BEND7: variants seen among roughly 807,000 people sequenced by gnomAD.
BEND7 encodes the protein BEN domain containing 7.
A neutral mutation model predicts 50.9 loss-of-function variants in BEND7; 28 were observed. That is an observed-to-expected ratio of 0.55 (90% confidence interval 0.41 to 0.75). The LOEUF is 0.75. Ranked by LOEUF, BEND7 falls within the 30% of genes least tolerant of loss-of-function variation. The pLI is 0.00. For synonymous variants in BEND7, 170 were observed against 183.9 expected, an observed-to-expected ratio of 0.92 and a Z score of 0.61; for missense variants, 477 against 491.3, an observed-to-expected ratio of 0.97 and a Z score of 0.28.
At chr10:13,523,921 G>C (rs1376597298) in intron 2 of BEND7, among the ~76,000 whole-genome samples, 1 of 152,178 alleles carries the variant, frequency 6.6e-6, no homozygotes, top group East Asian at 1.9e-4. Flanking sequence ...ATAACCCACA[G>C]CACACTCCCA....
chr10:13,496,047 C>T (rs1309675874), intron 4 of BEND7, among the ~76,000 whole-genome samples: 1 of 152,196 alleles, frequency 6.6e-6, no homozygotes, highest in South Asian at 2.1e-4. Context: ...CTATAGAACG[C>T]TTCATGGACT....
chr10:13,441,023 G>T (rs559473362), downstream of BEND7: 99 of 832,668 alleles, frequency 1.2e-4, no homozygotes, highest in Middle Eastern at 6.1e-4. Flanking sequence ...TTTAATTAAT[G>T]AACAGCACTG....
intron 6 of BEND7, among the ~76,000 whole-genome samples, chr10:13,462,835 A>C (rs1239866555): frequency 1.3e-5 from 2 of 152,170 alleles, no homozygotes; most frequent in African/African-American, 2.4e-5. Flanking sequence ...AAGAAAAATA[A>C]ATACATAACT....
intron 4 of BEND7, among the ~76,000 whole-genome samples, chr10:13,495,446 G>A (rs957034158): frequency 6.6e-6 from 1 of 152,244 alleles, no homozygotes; most frequent in Non-Finnish European, 1.5e-5. Context: ...CAGATCACCT[G>A]AGGTCGGGAG....
chr10:13,464,522 A>G (rs2074033221), intron 6 of BEND7, among the ~76,000 whole-genome samples: 1 of 152,190 alleles, frequency 6.6e-6, no homozygotes, highest in Non-Finnish European at 1.5e-5. Flanking sequence ...GATACACACC[A>G]ACTCCATTAC....
rs148559193 is a variant in BEND7 at position 13,470,545 on chromosome 10, A to T, written c.1063+10354T>A. ...TGCCCATTATGTGACAGGCTGAAGA[A>T]AGATCAAAAAAAGCCACACCCTTCT... On this transcript the variant is annotated intron_variant, in intron 6 of 8. Coordinates refer to ENST00000466271, the MANE Select transcript of BEND7 (RefSeq NM_001369863.1). Among the ~76,000 whole-genome samples the T allele has an allele frequency of 2.6e-5, 4 of 152,354 alleles. No individual in the cohort carries two copies. The East Asian group carries it at 7.7e-4, about 29-fold the overall frequency.
intron 5 of BEND7, among the ~76,000 whole-genome samples, chr10:13,484,500 C>T (rs1195322353): frequency 6.6e-6 from 1 of 152,170 alleles, no homozygotes; most frequent in Non-Finnish European, 1.5e-5. Flanking sequence ...TCTTAGTTTA[C>T]TGACTCTAGT....
At chr10:13,527,622 G>A (rs2079518522) in intron 1 of BEND7, among the ~76,000 whole-genome samples, 1 of 152,086 alleles carries the variant, frequency 6.6e-6, no homozygotes, top group East Asian at 1.9e-4. Flanking sequence ...AACTCAATAT[G>A]AGGACTTGTG....
At position 13,528,911 on chromosome 10, in the gene BEND7, G is replaced by T; in HGVS notation, c.-378C>A. 2 of 144,898 alleles carry T rather than the reference G, an allele frequency of 1.4e-5. No individual in the cohort carries two copies. Among genetic ancestry groups the T allele is most frequent in the South Asian group, 3.8e-4 (2 of 5,234 alleles). 9.0% of individuals were successfully genotyped at this position (144,898 alleles called of 1,614,324 possible). On this transcript the variant is annotated 5_prime_UTR_variant, in exon 1 of 9. Transcript: ENST00000466271. ...GCGCGGCGGCGGCGGCGGAGGCGGG[G>T]GGCGGCTCGGGGCGGCCGGCCCGCC...
intron 6 of BEND7, among the ~76,000 whole-genome samples, chr10:13,457,710 T>C (rs1839293621): frequency 6.6e-6 from 1 of 152,216 alleles, no homozygotes; most frequent in African/African-American, 2.4e-5. Context: ...ATATGCTATG[T>C]GAATAGAGGT....
chr10:13,461,068 T>C (rs1346668570), intron 6 of BEND7, among the ~76,000 whole-genome samples: 2 of 151,760 alleles, frequency 1.3e-5, no homozygotes, highest in African/African-American at 4.8e-5. Flanking sequence ...CATTATTGGG[T>C]GGGAGTGGGT....
At chr10:13,471,888 A>G (rs1473836780) in intron 6 of BEND7, among the ~76,000 whole-genome samples, 1 of 152,222 alleles carries the variant, frequency 6.6e-6, no homozygotes, top group Non-Finnish European at 1.5e-5. Flanking sequence ...AATACCCATC[A>G]TCACTGTTAG....
downstream of BEND7, chr10:13,439,168 A>G (rs1588578520): frequency 2.5e-6 from 4 of 1,601,244 alleles, no homozygotes; most frequent in Non-Finnish European, 2.6e-6. Flanking sequence ...TAAGCAAGAT[A>G]ATTTCAGAGA....
At chr10:13,524,514 G>A (rs1383417651) in intron 2 of BEND7, among the ~76,000 whole-genome samples, 1 of 151,932 alleles carries the variant, frequency 6.6e-6, no homozygotes, top group East Asian at 1.9e-4. Flanking sequence ...CGTGGTGGCA[G>A]GTGCTTGTAA....
intron 5 of BEND7, among the ~76,000 whole-genome samples, chr10:13,482,571 A>G (rs1564329328): frequency 6.6e-6 from 1 of 152,246 alleles, no homozygotes; most frequent in Non-Finnish European, 1.5e-5. Flanking sequence ...CAGGGCTCAG[A>G]GCATAGCTTC....
At chr10:13,476,897 G>A (rs1194446968) in intron 6 of BEND7, among the ~76,000 whole-genome samples, 1 of 152,094 alleles carries the variant, frequency 6.6e-6, no homozygotes, top group Non-Finnish European at 1.5e-5. Context: ...TCTTTCATCA[G>A]CAATACCTTG....
intron 6 of BEND7, among the ~76,000 whole-genome samples, chr10:13,461,544 C>T (rs1387143358): frequency 6.6e-6 from 1 of 152,174 alleles, no homozygotes; most frequent in Non-Finnish European, 1.5e-5. Context: ...ACCATCCTGG[C>T]CAACATGGCC....
At chr10:13,447,240 T>C (rs1454516290) in intron 8 of BEND7, 26 bp downstream of exon 8, 1 of 1,612,700 alleles carries the variant, frequency 6.2e-7, no homozygotes, top group South Asian at 1.1e-5. Flanking sequence ...CAGGAGGTGA[T>C]GAAAATGTAA....
Position 13,441,765 on chromosome 10 carries a change from G to A in BEND7, c.1235-15C>T, listed in dbSNP as rs764589652. On this transcript the variant is annotated splice_polypyrimidine_tract_variant and intron_variant, in intron 8 of 8. Coordinates refer to ENST00000466271, the MANE Select transcript of BEND7 (RefSeq NM_001369863.1). ...TCATCAGACCACTTGAGAAAACAAA[G>A]GGACTGTTGTCAGGAACGGGATTAC... 1 of 1,613,422 alleles carries A rather than the reference G, an allele frequency of 6.2e-7. No homozygotes were observed. Among genetic ancestry groups the A allele is most frequent in the South Asian group, 1.1e-5 (1 of 90,996 alleles).
Sources: allele counts gnomAD v4.1 joint callset (sites outside exome capture counted in the v4.1 genomes callset), GRCh38; gene constraint gnomAD v4.1.1; transcripts MANE v1.5; gene names NCBI Gene and HGNC (gene_info 2026-07-23, HGNC 2026-07-21).